The following ADAMTSL3 variants were observed in gnomAD, a reference collection of about 807,000 sequenced individuals.
ADAMTSL3 encodes ADAMTS like 3.
Under a neutral mutation model 201.7 loss-of-function variants are expected in ADAMTSL3, and 128 were observed. The ratio of observed to expected loss-of-function variants is 0.63; its 90% CI spans 0.55 to 0.73. The LOEUF (loss-of-function observed/expected upper bound fraction) is 0.73. Among genes scored for constraint, ADAMTSL3 ranks in the 30% least tolerant of loss-of-function variants. ADAMTSL3 has a pLI of 0.00. For missense variants in ADAMTSL3, 1,990 were observed against 2,119.6 expected, an observed-to-expected ratio of 0.94 and a Z score of 1.20; for synonymous variants, 738 against 748.4, an observed-to-expected ratio of 0.99 and a Z score of 0.23.
chr15:83,933,723 C>T (rs941129163), intron 17 of ADAMTSL3, among the ~76,000 whole-genome samples: 5 of 152,214 alleles, frequency 3.3e-5, no homozygotes, highest in African/African-American at 1.2e-4. Context: ...AGGATGGTTT[C>T]ATGCTCTAGT....
chr15:83,898,365 G>C (rs1286739342), intron 14 of ADAMTSL3, among the ~76,000 whole-genome samples: 2 of 152,096 alleles, frequency 1.3e-5, no homozygotes, highest in Admixed American at 6.6e-5. Flanking sequence ...AGGAAGACAA[G>C]AAAGAAGAGC....
intron 28 of ADAMTSL3, among the ~76,000 whole-genome samples, chr15:84,032,552 A>G (rs2068428476): frequency 6.6e-6 from 1 of 152,250 alleles, no homozygotes. Flanking sequence ...CTTTGCATTC[A>G]CAAAGATATA....
chr15:83,994,592 T>G (rs1361624958), intron 23 of ADAMTSL3, among the ~76,000 whole-genome samples: 17 of 90,614 alleles, frequency 1.9e-4, no homozygotes, highest in African/African-American at 5.4e-4. Context: ...TTTCGTTTTT[T>G]TTTTTTTTTT....
At chr15:83,932,417 G>A (rs1228045032) in intron 17 of ADAMTSL3, among the ~76,000 whole-genome samples, 1 of 152,152 alleles carries the variant, frequency 6.6e-6, no homozygotes, top group African/African-American at 2.4e-5. Flanking sequence ...ACACTTTTTG[G>A]CTTTAAGATC....
chr15:83,736,424 A>G (rs921736986), intron 3 of ADAMTSL3, among the ~76,000 whole-genome samples: 1 of 152,238 alleles, frequency 6.6e-6, no homozygotes, highest in Admixed American at 6.5e-5. Context: ...TATAAAGAAC[A>G]ATATCTCTGT....
chr15:83,992,250 G>A (rs1439311512), intron 23 of ADAMTSL3, among the ~76,000 whole-genome samples: 1 of 152,130 alleles, frequency 6.6e-6, no homozygotes, highest in African/African-American at 2.4e-5. Flanking sequence ...TCCCTCCACT[G>A]TCATGATCAG....
chr15:83,688,927 G>C (rs1158138548), intron 2 of ADAMTSL3, among the ~76,000 whole-genome samples: 2 of 152,066 alleles, frequency 1.3e-5, no homozygotes, highest in Non-Finnish European at 2.9e-5. Flanking sequence ...TCCCATCTCA[G>C]CCTCCCAGGT....
intron 19 of ADAMTSL3, among the ~76,000 whole-genome samples, chr15:83,967,796 C>G (rs1413636740): frequency 6.6e-6 from 1 of 152,136 alleles, no homozygotes; most frequent in Non-Finnish European, 1.5e-5. Flanking sequence ...TACAAGGCTA[C>G]AGAAACCAAA....
chr15:83,863,573 A>G (rs1426849314), intron 8 of ADAMTSL3, among the ~76,000 whole-genome samples: 1 of 152,238 alleles, frequency 6.6e-6, no homozygotes, highest in African/African-American at 2.4e-5. Flanking sequence ...CAATGAGAAC[A>G]AAGACACAAC....
intron 4 of ADAMTSL3, among the ~76,000 whole-genome samples, chr15:83,794,617 A>G (rs2063394307): frequency 6.6e-6 from 1 of 152,068 alleles, no homozygotes; most frequent in Non-Finnish European, 1.5e-5. Flanking sequence ...GAAATTATAG[A>G]AATGGAGAAC....
At chr15:83,792,933 CTAAG>C (rs1390830581) in intron 4 of ADAMTSL3, among the ~76,000 whole-genome samples, 2 of 152,050 alleles carry the variant, frequency 1.3e-5, no homozygotes, top group East Asian at 1.9e-4. Flanking sequence ...GTGGAAACAA[CTAAG>C]TGTCTATCAG....
At chr15:83,778,222 A>C (rs1393205633) in intron 4 of ADAMTSL3, among the ~76,000 whole-genome samples, 2 of 152,214 alleles carry the variant, frequency 1.3e-5, no homozygotes, top group Admixed American at 1.3e-4. Context: ...TGAGAACTTC[A>C]TGGATGAACC....
At chr15:83,826,499 CT>C (rs928834859) in intron 6 of ADAMTSL3, among the ~76,000 whole-genome samples, 5 of 136,462 alleles carry the variant, frequency 3.7e-5, no homozygotes, top group Admixed American at 7.3e-5. Context: ...TTTTTTATTT[CT>C]TTTTTTATAG....
At position 83,921,803 on chromosome 15, in the gene ADAMTSL3, G is replaced by GC. The variant is rs574214527; in HGVS notation, c.1988-2095dup. Among the ~76,000 whole-genome samples the GC allele has an allele frequency of 5.4e-3, 827 of 152,020 alleles. 10 individuals are homozygous for GC. Among genetic ancestry groups the GC allele is most frequent in the Non-Finnish European group, 6.5e-3 (445 of 67,974 alleles). On this transcript the variant is annotated intron_variant, in intron 16 of 29. Coordinates refer to ENST00000286744, the MANE Select transcript of ADAMTSL3 (RefSeq NM_207517.3). The stretch of plus-strand genomic sequence containing the variant: ...GGGCTGAAGTGATCCTCTCACCCCA[G>GC]CCCCCCGAGTAGCTGGGACTATAGG...
chr15:83,809,246 C>G (rs763500431), intron 5 of ADAMTSL3, among the ~76,000 whole-genome samples: 9 of 151,928 alleles, frequency 5.9e-5, no homozygotes, highest in Middle Eastern at 3.2e-3. Flanking sequence ...CACGTTGTAC[C>G]CCATAAATAT....
At chr15:83,912,288 G>T (rs1464309496) in intron 15 of ADAMTSL3, among the ~76,000 whole-genome samples, 1 of 152,100 alleles carries the variant, frequency 6.6e-6, no homozygotes, top group Non-Finnish European at 1.5e-5. Flanking sequence ...AATGAGTGTG[G>T]TTATATTCCA....
intron 8 of ADAMTSL3, among the ~76,000 whole-genome samples, chr15:83,866,855 TG>T (rs1158521790): frequency 6.6e-6 from 1 of 152,216 alleles, no homozygotes. Context: ...TATTCAAGAC[TG>T]GCACTCGTCC....
At chr15:83,662,975 C>T (rs2061195936) in intron 2 of ADAMTSL3, among the ~76,000 whole-genome samples, 1 of 152,150 alleles carries the variant, frequency 6.6e-6, no homozygotes, top group African/African-American at 2.4e-5. Context: ...ACACTTCCTG[C>T]AGCAGGTAGT....
intron 10 of ADAMTSL3, among the ~76,000 whole-genome samples, chr15:83,885,669 A>G (rs2065373936): frequency 6.6e-6 from 1 of 152,062 alleles, no homozygotes; most frequent in South Asian, 2.1e-4. Flanking sequence ...AAGCTTATTA[A>G]AAAGAGAAAG....
Sources: allele counts gnomAD v4.1 joint callset (sites outside exome capture counted in the v4.1 genomes callset), GRCh38; gene constraint gnomAD v4.1.1; transcripts MANE v1.5; gene names NCBI Gene and HGNC (gene_info 2026-07-23, HGNC 2026-07-21).